The following TESK2 variants were observed in gnomAD, a reference collection of about 807,000 sequenced individuals.
The protein encoded by TESK2 is dual specificity testis-specific protein kinase 2.
A neutral mutation model predicts 57.1 loss-of-function variants in TESK2; 39 were observed. That is an observed-to-expected ratio of 0.68 (90% CI 0.53 to 0.89). TESK2 has a LOEUF of 0.89. Ranked by LOEUF, TESK2 falls within the 40% of genes least tolerant of loss-of-function variation. The pLI, the probability that TESK2 is intolerant of heterozygous loss-of-function variation, is 0.00. For synonymous variants in TESK2, 249 were observed against 267.9 expected, an observed-to-expected ratio of 0.93 and a Z score of 0.69; for missense variants, 646 against 732.1, an observed-to-expected ratio of 0.88 and a Z score of 1.36.
Position 45,384,593 on chromosome 1 carries a change from A to ATTTTTTT in TESK2, c.393+1312_393+1318dup, listed in dbSNP as rs59988269. Among the ~76,000 whole-genome samples the ATTTTTTT allele has an allele frequency of 7.7e-3, 545 of 70,812 alleles. 22 individuals are homozygous for ATTTTTTT. Among genetic ancestry groups the ATTTTTTT allele is most frequent in the Middle Eastern group, 0.012 (1 of 84 alleles). 46.5% of individuals were successfully genotyped at this position (70,812 alleles called of 152,430 possible). ...TGCCATCACATCCAGCTAATTATTAATTTTTTTTTTTTTTTTTTTTTTTTT... is the reference window on the plus strand; with the variant it reads ...TGCCATCACATCCAGCTAATTATTAATTTTTTTTTTTTTTTTTTTTTTTTTTTTTTTT... On this transcript the variant is annotated intron_variant, in intron 4 of 10. Transcript: ENST00000372086.
At chr1:45,482,706 G>A (rs890526980) in intron 1 of TESK2, among the ~76,000 whole-genome samples, 1 of 151,786 alleles carries the variant, frequency 6.6e-6, no homozygotes, top group East Asian at 1.9e-4. Flanking sequence ...GGGGCCAGGC[G>A]TGGTTGCTCA....
intron 1 of TESK2, among the ~76,000 whole-genome samples, chr1:45,489,412 C>T (rs1653625929): frequency 6.6e-6 from 1 of 152,184 alleles, no homozygotes. Context: ...ATTCTCTTGA[C>T]CCTCCAAATT....
intron 1 of TESK2, among the ~76,000 whole-genome samples, chr1:45,478,350 G>T (rs1008992163): frequency 1.3e-5 from 2 of 152,102 alleles, no homozygotes; most frequent in Non-Finnish European, 2.9e-5. Context: ...TCATCATATA[G>T]TATTTTAATT....
chr1:45,384,323 CTATG>C lies in TESK2; in HGVS notation c.393+1585_393+1588del, dbSNP rs145216387. 1.6e-3 allele frequency among the ~76,000 whole-genome samples: 247 copies of C among 150,442 alleles called. 1 individual carries two copies. The highest frequency in any genetic ancestry group is 8.6e-3 in the South Asian group (41 of 4,744). ...ATCTATCTATCGACAGGGTCTCACT[CTATG>C]TATGTATGTATGTATGTATGTATGT... On this transcript the variant is annotated intron_variant, in intron 4 of 10. Transcript: ENST00000372086.
chr1:45,345,560 T>C lies in TESK2; in HGVS notation c.998-2A>G. 1 of 1,610,966 alleles carries C rather than the reference T, an allele frequency of 6.2e-7. No individual in the cohort carries two copies. The highest frequency in any genetic ancestry group is 8.5e-7 in the Non-Finnish European group (1 of 1,178,044). ...CCCCAGGTGCTTTCTCCAAGAGTCCTGAAGAATAATCAAGTCTGGGTTACT... is the reference window on the plus strand; with the variant it reads ...CCCCAGGTGCTTTCTCCAAGAGTCCCGAAGAATAATCAAGTCTGGGTTACT... On this transcript the variant is annotated splice_acceptor_variant, in intron 10 of 10. Coordinates refer to ENST00000372086, the MANE Select transcript of TESK2 (RefSeq NM_007170.3). LOFTEE classifies it high-confidence loss of function.
chr1:45,347,165 C>T, intron 7 of TESK2, 103 bp from the exon 8 acceptor site: 1 of 987,006 alleles, frequency 1.0e-6, no homozygotes, highest in East Asian at 2.5e-5. Context: ...ACAGCCCAGG[C>T]CTGGGCCATA....
intron 1 of TESK2, among the ~76,000 whole-genome samples, chr1:45,479,059 A>G (rs539255314): frequency 1.1e-4 from 16 of 152,168 alleles, no homozygotes; most frequent in African/African-American, 3.6e-4. Context: ...CAAATTATGA[A>G]TAATGTGTAT....
intron 1 of TESK2, among the ~76,000 whole-genome samples, chr1:45,486,792 C>CACACACACACACACACACAT (rs1653497086): frequency 1.4e-5 from 2 of 144,862 alleles, no homozygotes; most frequent in Non-Finnish European, 3.0e-5. Context: ...TACACACACA[C>CACACACACACACACACACAT]ACACACACAC....
chr1:45,361,863 C>T (rs1647702855), intron 4 of TESK2, among the ~76,000 whole-genome samples: 1 of 152,136 alleles, frequency 6.6e-6, no homozygotes, highest in African/African-American at 2.4e-5. Flanking sequence ...CTTGGCCAGG[C>T]ACAGTGGCTC....
At chr1:45,431,350 G>A (rs1159989389) in intron 2 of TESK2, among the ~76,000 whole-genome samples, 1 of 152,024 alleles carries the variant, frequency 6.6e-6, no homozygotes, top group Non-Finnish European at 1.5e-5. Flanking sequence ...CCCGGGAGAC[G>A]GAGGTTGCAG....
intron 4 of TESK2, among the ~76,000 whole-genome samples, chr1:45,358,172 G>T (rs1477023727): frequency 6.6e-6 from 1 of 152,012 alleles, no homozygotes; most frequent in South Asian, 2.1e-4. Flanking sequence ...AATTAGCCGG[G>T]CGTGGTTGCA....
At chr1:45,449,197 G>C (rs909782216) in intron 2 of TESK2, among the ~76,000 whole-genome samples, 2 of 150,448 alleles carry the variant, frequency 1.3e-5, no homozygotes, top group African/African-American at 4.9e-5. Flanking sequence ...ACCCGAGCCT[G>C]GGTGACAGAG....
At chr1:45,434,744 T>C (rs1295667389) in intron 2 of TESK2, among the ~76,000 whole-genome samples, 1 of 152,104 alleles carries the variant, frequency 6.6e-6, no homozygotes, top group Non-Finnish European at 1.5e-5. Context: ...TTCCAAATAT[T>C]AGCCCCTTTT....
chr1:45,434,118 T>G (rs1262553382), intron 2 of TESK2, among the ~76,000 whole-genome samples: 1 of 151,578 alleles, frequency 6.6e-6, no homozygotes, highest in Admixed American at 6.6e-5. Flanking sequence ...CTCAGCCTCC[T>G]GAATAGCTGG....
chr1:45,462,705 G>A (rs1652384500), intron 1 of TESK2, among the ~76,000 whole-genome samples: 1 of 152,206 alleles, frequency 6.6e-6, no homozygotes, highest in Non-Finnish European at 1.5e-5. Context: ...AAACATGGGA[G>A]TGCAAACGTC....
At chr1:45,425,349 A>G (rs1650643949) in intron 2 of TESK2, among the ~76,000 whole-genome samples, 1 of 152,170 alleles carries the variant, frequency 6.6e-6, no homozygotes, top group South Asian at 2.1e-4. Context: ...AAGTTAGCCA[A>G]TGAATTAAAA....
rs144262051 is a variant in TESK2, at chr1:45,427,519, C to T, written c.223-5673G>A. 4.1e-3 allele frequency among the ~76,000 whole-genome samples: 621 copies of T among 152,204 alleles called. 1 individual carries two copies. Among genetic ancestry groups the T allele is most frequent in the Middle Eastern group, 0.02 (6 of 294 alleles). ...ATTTGGATGCAACCTAAGTGTCCATCAACAAACAAATGGATAAAGAAAATG... is the reference window on the plus strand; with the variant it reads ...ATTTGGATGCAACCTAAGTGTCCATTAACAAACAAATGGATAAAGAAAATG... On this transcript the variant is annotated intron_variant, in intron 2 of 10. Coordinates refer to ENST00000372086, the MANE Select transcript of TESK2 (RefSeq NM_007170.3).
At chr1:45,467,412 A>T (rs562445827) in intron 1 of TESK2, among the ~76,000 whole-genome samples, 18 of 151,916 alleles carry the variant, frequency 1.2e-4, no homozygotes, top group African/African-American at 4.1e-4. Context: ...TGGTGCGATC[A>T]TGGCTCACCA....
At chr1:45,406,444 G>C (rs1258107619) in intron 3 of TESK2, among the ~76,000 whole-genome samples, 2 of 152,028 alleles carry the variant, frequency 1.3e-5, no homozygotes, top group Non-Finnish European at 2.9e-5. Context: ...CCAGGAGTTA[G>C]AGACCAGTTT....
Sources: gnomAD v4.1 joint callset for allele counts (sites outside exome capture counted in the v4.1 genomes callset) on GRCh38, gnomAD v4.1.1 for gene constraint, MANE v1.5 for transcripts, NCBI Gene and HGNC (gene_info 2026-07-23, HGNC 2026-07-21) for gene names.